The following KIF20B variants were observed in gnomAD, a reference collection of about 807,000 sequenced individuals.
KIF20B encodes the protein kinesin-like protein KIF20B.
Under a neutral mutation model 232.5 loss-of-function variants are expected in KIF20B, and 188 were observed. The ratio of observed to expected loss-of-function variants is 0.81; its 90% CI spans 0.72 to 0.91. The LOEUF is 0.91. KIF20B is among the 40% of genes least tolerant of loss of function. The pLI is 0.00. For synonymous variants in KIF20B, 712 were observed against 683.0 expected (o/e 1.04, Z -0.66); for missense variants, 2,154 against 2,055.9 (o/e 1.05, Z -0.92).
intron 12 of KIF20B, 26 bp from the exon 13 acceptor site, chr10:89,719,392 TA>T: frequency 2.0e-6 from 3 of 1,488,538 alleles, no homozygotes. Flanking sequence ...TTTTCTGTTT[TA>T]AAAGTCACAT....
At chr10:89,701,775 C>T (rs1245194345) in intron 1 of KIF20B, 95 bp downstream of exon 1, 2 of 152,186 alleles carry the variant, frequency 1.3e-5, no homozygotes, top group South Asian at 2.1e-4. Flanking sequence ...GCAATGTGGA[C>T]ATGTTCCGAC....
rs556393929 is a variant in KIF20B, at chr10:89,749,041, G to A, written c.4097-2305G>A. On this transcript the variant is annotated intron_variant, in intron 23 of 32. Transcript: ENST00000371728. ...ATGTGTATTTTTTCTAAATATAAAGGTAATCTATAGCTCCTCCCACCTTTT... is the reference window on the plus strand; with the variant it reads ...ATGTGTATTTTTTCTAAATATAAAGATAATCTATAGCTCCTCCCACCTTTT... Among the ~76,000 whole-genome samples, 238 of 152,170 alleles carry A rather than the reference G, an allele frequency of 1.6e-3. 1 individual carries two copies. Among genetic ancestry groups the A allele is most frequent in the African/African-American group, 5.4e-3 (224 of 41,526 alleles).
In KIF20B at chr10:89,751,489, A is replaced by G. The variant is rs1274959161; in HGVS notation, c.4222+18A>G. 1 of 1,588,810 alleles carries G rather than the reference A, an allele frequency of 6.3e-7. No homozygotes were observed. The highest frequency in any genetic ancestry group is 1.9e-5 in the Admixed American group (1 of 53,348). ...GGCCACAGGTAAAACAAGATTGCTT[A>G]CATTTCTCTAAATATACTTTTTCAT... On this transcript the variant is annotated intron_variant, in intron 24 of 32. Coordinates refer to ENST00000371728, the MANE Select transcript of KIF20B (RefSeq NM_001284259.2).
chr10:89,768,499 TGTA>T (rs1842407208), intron 30 of KIF20B, 108 bp downstream of exon 30: 2 of 785,068 alleles, frequency 2.5e-6, no homozygotes, highest in East Asian at 5.2e-5. Flanking sequence ...TCAGTTGAAA[TGTA>T]ACCTTTAGCA....
chr10:89,751,136 C>T (rs1842012891), intron 23 of KIF20B, among the ~76,000 whole-genome samples: 1 of 152,064 alleles, frequency 6.6e-6, no homozygotes, highest in Non-Finnish European at 1.5e-5. Context: ...AAGCATCCAT[C>T]TTTACACCAA....
At chr10:89,745,839 C>A in intron 22 of KIF20B, 60 bp from the exon 23 acceptor site, 1 of 1,111,882 alleles carries the variant, frequency 9.0e-7, no homozygotes, top group Non-Finnish European at 1.4e-6. Flanking sequence ...TCAAGATCCA[C>A]TGTTAAATAT....
In KIF20B at chr10:89,754,825, T is replaced by G. The variant is rs112388179; in HGVS notation, c.4503+152T>G. On this transcript the variant is annotated intron_variant, in intron 26 of 32. Coordinates refer to ENST00000371728, the MANE Select transcript of KIF20B (RefSeq NM_001284259.2). ...ATAAGATAACTTCTGAGCCAATTTATCTTGACATTCACTAATGTTCTTGTT... is the reference window on the plus strand; with the variant it reads ...ATAAGATAACTTCTGAGCCAATTTAGCTTGACATTCACTAATGTTCTTGTT... 1.7e-3 allele frequency: 870 copies of G among 512,672 alleles called. 8 individuals carry two copies. The highest frequency in any genetic ancestry group is 0.015 in the African/African-American group (764 of 50,886). The allele number at this position is 512,672 out of a possible 1,614,324, so 31.8% of individuals were successfully genotyped here.
intron 14 of KIF20B, 21 bp downstream of exon 14, chr10:89,724,124 C>A: frequency 6.9e-7 from 1 of 1,445,534 alleles, no homozygotes; most frequent in Non-Finnish European, 9.1e-7. Flanking sequence ...TATTTCATGT[C>A]CAGGTAAAAA....
rs1186131810 is a variant in KIF20B, at chr10:89,717,656, A to G, written c.1205A>G (p.Asn402Ser). Residue 402 changes from asparagine to serine, a missense_variant, in exon 11 of 33, where the codon AAT becomes AGT. Transcript: ENST00000371728. Reference sequence around the variant, plus strand: ...GGTGAAAGGTTAAGAGAGACTGGGAATATCAACACTTCTTTATTGACTCTG... The same window carrying G: ...GGTGAAAGGTTAAGAGAGACTGGGAGTATCAACACTTCTTTATTGACTCTG... ...NEGERLRETG[N>S]INTSLLTLGK... The G allele has an allele frequency of 1.9e-6, 3 of 1,609,866 alleles. No individual in the cohort carries two copies. The highest frequency in any genetic ancestry group is 1.7e-6 in the Non-Finnish European group (2 of 1,176,684).
At chr10:89,706,945 C>G (rs1276301117) in intron 2 of KIF20B, among the ~76,000 whole-genome samples, 1 of 152,102 alleles carries the variant, frequency 6.6e-6, no homozygotes, top group Non-Finnish European at 1.5e-5. Flanking sequence ...AAGACAGCAT[C>G]TTGGGATTTT....
At position 89,738,265 on chromosome 10, in the gene KIF20B, G is replaced by A. The variant is rs1455802714; in HGVS notation, c.3424G>A (p.Val1142Ile). Residue 1142 changes from valine (V) to isoleucine (I), a missense_variant, in exon 20 of 33, where the codon GTA becomes ATA. Val to Ile is a conservative substitution (Grantham distance 29). Transcript: ENST00000371728. ...TACTCTTGATGTTCAAATACAGCAT[G>A]TAGTTGAAGGAAAGAGAGCGCTTTC... Reference protein sequence around the residue: ...NVTLDVQIQHVVEGKRALSEL... With the variant: ...NVTLDVQIQHIVEGKRALSEL... 6.2e-7 allele frequency: 1 copy of A among 1,610,360 alleles called. No homozygotes were observed. Among genetic ancestry groups the A allele is most frequent in the African/African-American group, 1.3e-5 (1 of 74,700 alleles).
Position 89,760,599 on chromosome 10 carries a change from T to G in KIF20B, c.4754T>G (p.Leu1585Arg). The G allele has an allele frequency of 1.9e-6, 3 of 1,612,210 alleles. No individual in the cohort carries two copies. Among genetic ancestry groups the G allele is most frequent in the Middle Eastern group, 3.3e-4 (2 of 6,050 alleles). The change falls in exon 28 of 33, where the codon CTA becomes CGA. Residue 1585 changes from leucine to arginine, a missense_variant. Coordinates refer to ENST00000371728, the MANE Select transcript of KIF20B (RefSeq NM_001284259.2). ...ADPDKLQTEP[L>R]STSFEISRNK... is the part of the protein sequence containing the mutation. ...CCTGACAAACTTCAAACTGAACCTC[T>G]ATCGACAAGTTTTGAAATTTCCAGA... is the stretch of plus-strand genomic sequence containing the variant.
In KIF20B at chr10:89,702,418, A is replaced by C. The variant is rs117193486; in HGVS notation, c.-2+738A>C. Among the ~76,000 whole-genome samples, 317 of 152,350 alleles carry C rather than the reference A, an allele frequency of 2.1e-3. 3 individuals are homozygous for C. The South Asian group carries it at 0.023, about 11-fold the overall frequency. ...GCACAGTTCTCTTATATTTCTTGCT[A>C]AACTACTAGTTTACAGAAGTTCACG... On this transcript the variant is annotated intron_variant, in intron 1 of 32. Coordinates refer to ENST00000371728, the MANE Select transcript of KIF20B (RefSeq NM_001284259.2).
chr10:89,758,633 A>G, intron 26 of KIF20B, 73 bp from the exon 27 acceptor site: 3 of 1,066,996 alleles, frequency 2.8e-6, no homozygotes, highest in Non-Finnish European at 3.9e-6. Context: ...TGTTACATAT[A>G]ATAATTTCTA....
rs1841913482 is a variant in KIF20B at position 89,746,475 on chromosome 10, C to G, written c.4096+516C>G. ...GTGTCATCTCACAGTAGATGGCCTG[C>G]CAGCATCTGCTGGTATCTGCTGGTG... On this transcript the variant is annotated intron_variant, in intron 23 of 32. Coordinates refer to ENST00000371728, the MANE Select transcript of KIF20B (RefSeq NM_001284259.2). Among the ~76,000 whole-genome samples, 3 of 152,186 alleles carry G rather than the reference C, an allele frequency of 2.0e-5. No homozygotes were observed. In the South Asian group the frequency reaches 6.2e-4, roughly 32 times the overall value.
intron 10 of KIF20B, 39 bp from the exon 11 acceptor site, chr10:89,717,537 T>C (rs1842959461): frequency 1.4e-5 from 22 of 1,590,780 alleles, no homozygotes; most frequent in Non-Finnish European, 1.9e-5. Flanking sequence ...TGTAATTGTT[T>C]TGAAGAACTT....
At chr10:89,729,584 A>G (rs1198720199) in intron 18 of KIF20B, among the ~76,000 whole-genome samples, 1 of 152,242 alleles carries the variant, frequency 6.6e-6, no homozygotes, top group Non-Finnish European at 1.5e-5. Context: ...TTAGAAAACC[A>G]GATTATAATG....
intron 29 of KIF20B, 99 bp downstream of exon 29, chr10:89,762,934 C>A: frequency 3.6e-6 from 3 of 834,612 alleles, no homozygotes; most frequent in Non-Finnish European, 3.8e-6. Context: ...TGTTCATAGG[C>A]ACTGCTGTTA....
chr10:89,762,596 A>G (rs749904279), intron 28 of KIF20B, 42 bp from the exon 29 acceptor site: 6 of 1,448,760 alleles, frequency 4.1e-6, no homozygotes, highest in Middle Eastern at 1.9e-4. Context: ...TTATAAATGT[A>G]TACTCTACAA....
Sources: gnomAD v4.1 joint callset for allele counts (sites outside exome capture counted in the v4.1 genomes callset) on GRCh38, gnomAD v4.1.1 for gene constraint, MANE v1.5 for transcripts, NCBI Gene and HGNC (gene_info 2026-07-23, HGNC 2026-07-21) for gene names.